Variants in KMT2C observed in about 807,000 individuals in gnomAD.
KMT2C encodes the protein histone-lysine N-methyltransferase 2C.
A neutral mutation model predicts 507.9 loss-of-function variants in KMT2C; 88 were observed. The observed-to-expected ratio is 0.17, with a 90% CI of 0.15 to 0.21. KMT2C has a LOEUF of 0.21. KMT2C is among the 10% of genes least tolerant of loss of function. The pLI is 1.00. For synonymous variants in KMT2C, 2,049 were observed against 2,080.8 expected, an observed-to-expected ratio of 0.98 and a Z score of 0.42; for missense variants, 4,954 against 5,957.8, an observed-to-expected ratio of 0.83 and a Z score of 5.55.
chr7:152,361,059 T>C (rs2097193190), intron 1 of KMT2C, among the ~76,000 whole-genome samples: 1 of 152,046 alleles, frequency 6.6e-6, no homozygotes, highest in South Asian at 2.1e-4. Flanking sequence ...GATTCAACAT[T>C]AGAAATTTGT....
At chr7:152,298,636 T>C (rs1361893283) in intron 6 of KMT2C, among the ~76,000 whole-genome samples, 1 of 152,184 alleles carries the variant, frequency 6.6e-6, no homozygotes, top group Non-Finnish European at 1.5e-5. Context: ...CTGCAAGAAA[T>C]GTTAAAGGAT....
At chr7:152,291,240 C>T (rs2096421216) in intron 6 of KMT2C, among the ~76,000 whole-genome samples, 2 of 152,196 alleles carry the variant, frequency 1.3e-5, no homozygotes, top group East Asian at 1.9e-4. Context: ...TTTACCACTG[C>T]CAAGTCACTA....
rs746018833 is a variant in KMT2C at position 152,178,015 on chromosome 7, TAAAAAA to T, written c.7443-11_7443-6del. 3.8e-4 allele frequency: 311 copies of T among 810,770 alleles called. 1 individual carries two copies. The highest frequency in any genetic ancestry group is 2.9e-3 in the African/African-American group (93 of 32,442). The allele number at this position is 810,770 out of a possible 1,614,324, so 50.2% of individuals were successfully genotyped here. A position where few individuals can be genotyped will look rare whatever the true frequency, so the allele number is the denominator to read the frequency against. The stretch of plus-strand genomic sequence containing the variant: ...CTACCTCCTGGAAATCCAAATCTTT[TAAAAAA>T]AAAAAAAAAAAAAAAAAAAAAGCAA... On this transcript the variant is annotated splice_polypyrimidine_tract_variant and splice_region_variant and intron_variant, in intron 37 of 58. Transcript: ENST00000262189.
chr7:152,220,562 A>C lies in KMT2C; in HGVS notation c.3673T>G (p.Ser1225Ala). The change falls in exon 23 of 59, where the codon TCA becomes GCA. Residue 1225 changes from serine (S) to alanine (A), a missense_variant. This residue lies in a region of KMT2C where 176 missense variants were observed against 262.0 expected (regional missense o/e 0.67). Transcript: ENST00000262189. The part of the protein sequence containing the change: ...AVLQTPPDIQ[S>A]EHSRDGEMDD... Reference sequence around the variant, plus strand: ...ATTTCACCATCCCTTGAATGCTCTGATTGGATGTCTGGAGGGGTCTGAAGG... The same window carrying C: ...ATTTCACCATCCCTTGAATGCTCTGCTTGGATGTCTGGAGGGGTCTGAAGG... The C allele has an allele frequency of 6.2e-7, 1 of 1,611,666 alleles. No homozygotes were observed. The highest frequency in any genetic ancestry group is 1.1e-5 in the South Asian group (1 of 90,980).
At chr7:152,427,622 C>T (rs2097831484) in intron 1 of KMT2C, among the ~76,000 whole-genome samples, 1 of 152,100 alleles carries the variant, frequency 6.6e-6, no homozygotes, top group South Asian at 2.1e-4. Flanking sequence ...TATATGTTGT[C>T]CATTTGTCAT....
intron 6 of KMT2C, among the ~76,000 whole-genome samples, chr7:152,294,802 A>C (rs2129188362): frequency 6.6e-6 from 1 of 152,338 alleles, no homozygotes; most frequent in South Asian, 2.1e-4. Context: ...AACTACTATA[A>C]TTTCTACTAT....
chr7:152,157,605 T>C (rs2092153217), intron 44 of KMT2C, among the ~76,000 whole-genome samples: 1 of 152,216 alleles, frequency 6.6e-6, no homozygotes, highest in Admixed American at 6.5e-5. Flanking sequence ...CTAGAAATAC[T>C]TCACCAGGTA....
In KMT2C at chr7:152,152,814, T is replaced by C. The variant is rs1356697426; in HGVS notation, c.12417A>G (p.Arg4139=). The C allele has an allele frequency of 1.5e-5, 24 of 1,614,150 alleles. No homozygotes were observed. The highest frequency in any genetic ancestry group is 2.0e-5 in the Non-Finnish European group (24 of 1,180,022). Residue 4139 remains arginine, a synonymous_variant, in exon 49 of 59, where the codon CGA becomes CGG. Transcript: ENST00000262189. ...SHRINPGLEY[R]QHLLLRGPPP... ...GAGGCCCACGGAGAAGTAAATGCTG[T>C]CGATACTCCAAACCCGGGTTGATTC...
At chr7:152,226,728 G>A (rs2094944928) in intron 18 of KMT2C, among the ~76,000 whole-genome samples, 1 of 152,122 alleles carries the variant, frequency 6.6e-6, no homozygotes, top group South Asian at 2.1e-4. Flanking sequence ...GGGCCAGAGA[G>A]TAAACAGAAA....
Position 152,220,745 on chromosome 7 carries a change from C to A in KMT2C, c.3500-10G>T. 6 of 1,579,542 alleles carry A rather than the reference C, an allele frequency of 3.8e-6. No individual in the cohort carries two copies. Among genetic ancestry groups the A allele is most frequent in the Non-Finnish European group, 5.2e-6 (6 of 1,150,942 alleles). On this transcript the variant is annotated splice_polypyrimidine_tract_variant and intron_variant, in intron 22 of 58. Coordinates refer to ENST00000262189, the MANE Select transcript of KMT2C (RefSeq NM_170606.3). ...TAAGTCTTGGGTGGGTCTAAAATTACAAAATCCCAAGGATACAAATTTAAA... is the reference window on the plus strand; with the variant it reads ...TAAGTCTTGGGTGGGTCTAAAATTAAAAAATCCCAAGGATACAAATTTAAA...
chr7:152,272,860 A>C (rs1312040918), intron 7 of KMT2C, among the ~76,000 whole-genome samples: 3 of 152,180 alleles, frequency 2.0e-5, no homozygotes, highest in Non-Finnish European at 4.4e-5. Flanking sequence ...GACCTGGAGA[A>C]GATAGGAAAA....
intron 41 of KMT2C, among the ~76,000 whole-genome samples, chr7:152,168,235 TAAG>T (rs1318125015): frequency 1.3e-5 from 2 of 152,198 alleles, no homozygotes; most frequent in African/African-American, 4.8e-5. Context: ...AATACATTTC[TAAG>T]AAGGACATTC....
At chr7:152,325,607 C>T (rs1478063883) in intron 3 of KMT2C, among the ~76,000 whole-genome samples, 1 of 151,546 alleles carries the variant, frequency 6.6e-6, no homozygotes, top group African/African-American at 2.4e-5. Context: ...CCAAGTCCTA[C>T]TAATTTTTGT....
At chr7:152,200,344 T>C (rs973206047) in intron 26 of KMT2C, among the ~76,000 whole-genome samples, 3 of 152,158 alleles carry the variant, frequency 2.0e-5, no homozygotes, top group Non-Finnish European at 4.4e-5. Context: ...AATACAACAA[T>C]TTTTTAAAAG....
intron 16 of KMT2C, among the ~76,000 whole-genome samples, chr7:152,230,683 T>C (rs918394355): frequency 2.0e-5 from 3 of 152,250 alleles, no homozygotes; most frequent in Non-Finnish European, 4.4e-5. Flanking sequence ...GGATCTGCAA[T>C]GTAGCTAGTC....
chr7:152,423,413 G>C (rs982068013), intron 1 of KMT2C, among the ~76,000 whole-genome samples: 1 of 152,194 alleles, frequency 6.6e-6, no homozygotes, highest in Non-Finnish European at 1.5e-5. Flanking sequence ...GATAGTTCTA[G>C]CCAATTATAT....
In KMT2C at chr7:152,178,015, T is replaced by TAAAA. The variant is rs746018833; in HGVS notation, c.7443-9_7443-6dup. The TAAAA allele has an allele frequency of 1.5e-4, 123 of 810,972 alleles. No homozygotes were observed. The highest frequency in any genetic ancestry group is 3.4e-4 in the African/African-American group (11 of 32,446). The allele number at this position is 810,972 out of a possible 1,614,324, so 50.2% of individuals were successfully genotyped here. A position where few individuals can be genotyped will look rare whatever the true frequency, so the allele number is the denominator to read the frequency against. On this transcript the variant is annotated splice_polypyrimidine_tract_variant and splice_region_variant and intron_variant, in intron 37 of 58. Coordinates refer to ENST00000262189, the MANE Select transcript of KMT2C (RefSeq NM_170606.3). ...CTACCTCCTGGAAATCCAAATCTTT[T>TAAAA]AAAAAAAAAAAAAAAAAAAAAAAAA... is the stretch of plus-strand genomic sequence containing the variant.
rs1590055996 is a variant in KMT2C, at chr7:152,435,984, T to G, written c.-198A>C. ...CGAGCAGGACACGCACTCACACACA[T>G]CGGCGCGGGCGCGCGCACCTCCGCG... On this transcript the variant is annotated 5_prime_UTR_variant, in exon 1 of 59. It removes an upstream start codon present in the reference 5' UTR. Coordinates refer to ENST00000262189, the MANE Select transcript of KMT2C (RefSeq NM_170606.3). 3.5e-6 allele frequency: 1 copy of G among 285,870 alleles called. No homozygotes were observed. The highest frequency in any genetic ancestry group is 6.2e-6 in the Non-Finnish European group (1 of 160,356). The allele number at this position is 285,870 out of a possible 1,614,324, so 17.7% of individuals were successfully genotyped here.
intron 3 of KMT2C, among the ~76,000 whole-genome samples, chr7:152,321,548 G>C (rs935063856): frequency 6.6e-6 from 1 of 151,702 alleles, no homozygotes; most frequent in Non-Finnish European, 1.5e-5. Flanking sequence ...AAAACTGTTA[G>C]AACTAATAAA....
Sources: allele counts gnomAD v4.1 joint callset (sites outside exome capture counted in the v4.1 genomes callset), GRCh38; gene constraint gnomAD v4.1.1; regional missense constraint gnomAD v4.1.1; transcripts MANE v1.5; gene names NCBI Gene and HGNC (gene_info 2026-07-23, HGNC 2026-07-21).